Variants in DIDO1 observed in about 807,000 individuals in gnomAD.
DIDO1 encodes death-inducer obliterator 1.
Under a neutral mutation model 99.4 loss-of-function variants are expected in DIDO1, and 16 were observed. The ratio of observed to expected loss-of-function variants is 0.16; its 90% CI spans 0.11 to 0.24. The LOEUF (loss-of-function observed/expected upper bound fraction) is 0.24. DIDO1 is among the 10% of genes least tolerant of loss of function. The pLI is 1.00. For synonymous variants in DIDO1, 1,366 were observed against 1,239.1 expected (o/e 1.10, Z -2.15); for missense variants, 2,996 against 3,014.0 (o/e 0.99, Z 0.14).
intron 15 of DIDO1, chr20:62,890,579 C>G: frequency 9.6e-7 from 1 of 1,037,172 alleles, no homozygotes; most frequent in East Asian, 7.9e-5. Context: ...GGAGCCACTT[C>G]CCGGTGTGTG....
intron 6 of DIDO1, among the ~76,000 whole-genome samples, chr20:62,903,605 T>A (rs140690304): frequency 1.7e-3 from 265 of 152,350 alleles, no homozygotes; most frequent in Middle Eastern, 0.017. Flanking sequence ...AGAGACATGG[T>A]AGCTGCTGTC....
At chr20:62,925,563 A>G (rs981061582) in intron 1 of DIDO1, among the ~76,000 whole-genome samples, 25 of 152,242 alleles carry the variant, frequency 1.6e-4, no homozygotes, top group Middle Eastern at 3.2e-3. Context: ...AGTATTTTCA[A>G]TAACTGGTAA....
At chr20:62,908,676 A>G (rs2064859522) in intron 4 of DIDO1, among the ~76,000 whole-genome samples, 1 of 152,144 alleles carries the variant, frequency 6.6e-6, no homozygotes, top group Non-Finnish European at 1.5e-5. Flanking sequence ...AGGTTTGTGC[A>G]GGGTATTGTC....
Position 62,894,090 on chromosome 20 carries a change from C to T in DIDO1, c.2677G>A (p.Asp893Asn). 1 of 1,614,212 alleles carries T rather than the reference C, an allele frequency of 6.2e-7. No homozygotes were observed. The highest frequency in any genetic ancestry group is 8.5e-7 in the Non-Finnish European group (1 of 1,180,040). The change falls in exon 12 of 16, where the codon GAC becomes AAC. Residue 893 changes from aspartate (D) to asparagine (N), a missense_variant. Coordinates refer to ENST00000395343, the MANE Select transcript of DIDO1 (RefSeq NM_001193369.2). This position sits in a 1 kb window ranked among gnomAD's most constrained non-coding sequence, Gnocchi z 4.4. ...TCATCAGCTGAATCCGGAGCTGGGT[C>T]AGGTGCAGAGCTGTCATGCTTTGAT... ...LKSKHDSSAPDPAPDSADEVM... is the reference protein window; with the variant it reads ...LKSKHDSSAPNPAPDSADEVM...
chr20:62,885,392 A>G (rs2064281051), intron 15 of DIDO1, among the ~76,000 whole-genome samples: 1 of 152,248 alleles, frequency 6.6e-6, no homozygotes, highest in African/African-American at 2.4e-5. Flanking sequence ...AGTGTGATGT[A>G]CAAAATCACT....
At chr20:62,907,443 T>TAGTAC in intron 4 of DIDO1, 84 bp from the exon 5 acceptor site, 1 of 1,322,144 alleles carries the variant, frequency 7.6e-7, no homozygotes. Flanking sequence ...TCACCATTTA[T>TAGTAC]AGTACCAAGG....
intron 1 of DIDO1, among the ~76,000 whole-genome samples, chr20:62,917,787 A>G (rs2065065985): frequency 6.6e-6 from 1 of 152,266 alleles, no homozygotes; most frequent in Non-Finnish European, 1.5e-5. Flanking sequence ...GTGCCCATGC[A>G]CGGTGCTGAA....
At position 62,907,148 on chromosome 20, in the gene DIDO1, T is replaced by C; in HGVS notation, c.1373A>G (p.Gln458Arg). ...EKPSLPKCGA[Q>R]AGIKISSVHK... is the part of the protein sequence containing the mutation. Reference sequence around the variant, plus strand: ...GGCGGCTGGTCCTGGTCCACTCACCTGAGCACCGCATTTCGGAAGACTGGG... The same window carrying C: ...GGCGGCTGGTCCTGGTCCACTCACCCGAGCACCGCATTTCGGAAGACTGGG... The change falls in exon 5 of 16, where the codon CAG (glutamine) becomes CGG (arginine). Residue 458 changes from glutamine to arginine, a missense_variant and splice_region_variant. Gln to Arg is a conservative substitution (Grantham distance 43, BLOSUM62 1). This residue lies in a region of DIDO1 where 898 missense variants were observed against 972.7 expected (regional missense o/e 0.92). Coordinates refer to ENST00000395343, the MANE Select transcript of DIDO1 (RefSeq NM_001193369.2). The C allele has an allele frequency of 1.2e-6, 2 of 1,614,120 alleles. No homozygotes were observed. The highest frequency in any genetic ancestry group is 1.7e-6 in the Non-Finnish European group (2 of 1,179,920).
intron 14 of DIDO1, 98 bp downstream of exon 14, chr20:62,891,889 T>A (rs765500634): frequency 1.4e-5 from 14 of 979,512 alleles, no homozygotes; most frequent in Non-Finnish European, 2.1e-5. Flanking sequence ...CAGGCTAACA[T>A]TTTAAGTGTT....
intron 14 of DIDO1, among the ~76,000 whole-genome samples, chr20:62,891,656 T>C (rs1453128131): frequency 2.0e-5 from 3 of 152,134 alleles, no homozygotes; most frequent in Admixed American, 6.6e-5. Flanking sequence ...ATAAAACGTA[T>C]CTATTTCTTC....
chr20:62,883,847 AAAC>A (rs923824521), intron 15 of DIDO1, among the ~76,000 whole-genome samples: 7 of 151,666 alleles, frequency 4.6e-5, no homozygotes, highest in African/African-American at 1.7e-4. Flanking sequence ...ACAAAACAAA[AAAC>A]AAAAATTAGC....
At chr20:62,919,932 AG>A (rs2065105457) in intron 1 of DIDO1, among the ~76,000 whole-genome samples, 1 of 152,254 alleles carries the variant, frequency 6.6e-6, no homozygotes, top group African/African-American at 2.4e-5. Flanking sequence ...AGGAGAAGTG[AG>A]GTTTATTGTT....
chr20:62,916,083 G>A lies in DIDO1; in HGVS notation c.-199-1677C>T, dbSNP rs1568878547. Reference sequence around the variant, plus strand: ...AAAATAAAAACATATGTATATCAAGGCACAAGCAAAAAAACCTGTTCTAAC... The same window carrying A: ...AAAATAAAAACATATGTATATCAAGACACAAGCAAAAAAACCTGTTCTAAC... On this transcript the variant is annotated intron_variant, in intron 1 of 15. Transcript: ENST00000395343. Among the ~76,000 whole-genome samples, 3 of 151,998 alleles carry A rather than the reference G, an allele frequency of 2.0e-5. No individual in the cohort carries two copies. In the South Asian group the frequency reaches 6.2e-4, roughly 32 times the overall value.
At chr20:62,928,669 A>C (rs2065292176), upstream of DIDO1, 1 of 152,264 alleles carries the variant, frequency 6.6e-6, no homozygotes, top group Non-Finnish European at 1.5e-5. Context: ...CAAAGGAGGA[A>C]ACAAACTCTT....
chr20:62,936,026 G>A (rs1184248678), intron 1 of DIDO1, among the ~76,000 whole-genome samples: 3 of 152,262 alleles, frequency 2.0e-5, no homozygotes, highest in Admixed American at 6.5e-5. Flanking sequence ...GGCAGGCACT[G>A]AGACAGCCTC....
chr20:62,898,275 C>T (rs553520367), intron 6 of DIDO1, among the ~76,000 whole-genome samples: 1 of 152,338 alleles, frequency 6.6e-6, no homozygotes, highest in East Asian at 1.9e-4. Context: ...CAGGATATCC[C>T]GCATGTGCTG....
At chr20:62,898,776 G>A (rs151285512) in intron 6 of DIDO1, among the ~76,000 whole-genome samples, 404 of 152,296 alleles carry the variant, frequency 2.7e-3, no homozygotes, top group African/African-American at 9.2e-3. Flanking sequence ...CGTCTAACAC[G>A]ACAGGAACAA....
intron 15 of DIDO1, chr20:62,887,631 G>T: frequency 6.1e-6 from 6 of 985,554 alleles, no homozygotes; most frequent in Non-Finnish European, 6.0e-6. Context: ...GGAAATGACG[G>T]GGGCTGGGCA....
chr20:62,923,374 A>T (rs569577018), intron 1 of DIDO1, among the ~76,000 whole-genome samples: 2 of 151,854 alleles, frequency 1.3e-5, no homozygotes, highest in African/African-American at 4.8e-5. Context: ...ATGGGGTTTC[A>T]CCATATTGGC....
Sources: gnomAD v4.1 joint callset for allele counts (sites outside exome capture counted in the v4.1 genomes callset) on GRCh38, gnomAD v4.1.1 for gene constraint, gnomAD v4.1.1 regional missense constraint, Gnocchi (gnomAD v3.1) non-coding constraint, MANE v1.5 for transcripts, NCBI Gene and HGNC (gene_info 2026-07-23, HGNC 2026-07-21) for gene names.